The following PITPNB variants were observed in gnomAD, a reference collection of about 807,000 sequenced individuals.
PITPNB encodes the protein phosphatidylinositol transfer protein beta, also known as phosphatidylinositol transfer protein beta isoform.
In PITPNB, 16 loss-of-function variants were observed where a neutral mutation model predicts 45.9. That is an observed-to-expected ratio of 0.35 (90% CI 0.24 to 0.53). The LOEUF (loss-of-function observed/expected upper bound fraction) is 0.53, where lower values mean the gene tolerates loss of function less well. PITPNB is among the 20% of genes least tolerant of loss of function. The pLI, the probability that PITPNB is intolerant of heterozygous loss-of-function variation, is 0.93. For missense variants in PITPNB, 188 were observed against 330.5 expected (o/e 0.57, Z 3.34); for synonymous variants, 112 against 108.9 (o/e 1.03, Z -0.18).
chr22:27,880,660 T>G (rs1472319349), intron 7 of PITPNB, among the ~76,000 whole-genome samples: 2 of 152,178 alleles, frequency 1.3e-5, no homozygotes, highest in Non-Finnish European at 2.9e-5. Flanking sequence ...TTCGCTCTTG[T>G]TGCCCAGGCT....
intron 5 of PITPNB, 86 bp downstream of exon 5, chr22:27,897,044 T>A (rs1236420935): frequency 2.1e-6 from 2 of 945,850 alleles, no homozygotes; most frequent in East Asian, 2.4e-5. Flanking sequence ...GAGGTGCAGT[T>A]AGCAAAGAAT....
At chr22:27,898,632 G>C (rs968418328) in intron 3 of PITPNB, among the ~76,000 whole-genome samples, 4 of 152,086 alleles carry the variant, frequency 2.6e-5, no homozygotes, top group African/African-American at 2.4e-5. Flanking sequence ...ACATTTTATA[G>C]AACAGACCTG....
intron 8 of PITPNB, among the ~76,000 whole-genome samples, chr22:27,862,809 C>T (rs1296271656): frequency 6.6e-6 from 1 of 152,062 alleles, no homozygotes; most frequent in Non-Finnish European, 1.5e-5. Flanking sequence ...ATAATGCTGC[C>T]CTTGGTGTCA....
Position 27,854,918 on chromosome 22 carries a change from G to A in PITPNB, c.790C>T (p.Arg264Ter), listed in dbSNP as rs1354485787. 1.2e-6 allele frequency: 2 copies of A among 1,613,394 alleles called. No homozygotes were observed. The highest frequency in any genetic ancestry group is 1.1e-5 in the South Asian group (1 of 91,056). ...LETMRKRGSV[R>*]GTSAADV ...TAGACATCAGCAGCCGACGTGCCTC[G>A]AACGGAACCCCTCTTACGCATCTAA... Residue 264 changes from arginine to a stop codon, truncating the protein, a stop_gained, in exon 11 of 12, where the codon CGA becomes TGA. Transcript: ENST00000335272. LOFTEE classifies it high-confidence loss of function.
intron 3 of PITPNB, among the ~76,000 whole-genome samples, chr22:27,908,728 T>G (rs181233325): frequency 1.3e-4 from 20 of 152,240 alleles, no homozygotes; most frequent in Admixed American, 1.1e-3. Flanking sequence ...CTATACCATC[T>G]GGAATGCCAA....
Position 27,898,374 on chromosome 22 carries a change from C to T in PITPNB, c.198-482G>A, listed in dbSNP as rs796682172. Among the ~76,000 whole-genome samples, 31 of 148,626 alleles carry T rather than the reference C, an allele frequency of 2.1e-4. 1 individual carries two copies. The highest frequency in any genetic ancestry group is 7.1e-4 in the African/African-American group (29 of 40,568). On this transcript the variant is annotated intron_variant, in intron 3 of 11. Transcript: ENST00000335272. ...TGGGCAAAAGAGCAAGACCTTGTCT[C>T]ACAAGGAAAAAAAAAATTAACTGTA...
intron 8 of PITPNB, among the ~76,000 whole-genome samples, chr22:27,862,908 G>A (rs1314562849): frequency 6.6e-6 from 1 of 152,188 alleles, no homozygotes; most frequent in Non-Finnish European, 1.5e-5. Flanking sequence ...TGCTCTGCAG[G>A]CCCCTGGCAC....
intron 6 of PITPNB, among the ~76,000 whole-genome samples, chr22:27,894,899 G>A (rs1183164131): frequency 6.6e-6 from 1 of 152,176 alleles, no homozygotes; most frequent in Non-Finnish European, 1.5e-5. Flanking sequence ...TCTTCTGACA[G>A]TCCTCACAGA....
chr22:27,911,942 G>A (rs961515190), intron 2 of PITPNB, among the ~76,000 whole-genome samples: 11 of 152,122 alleles, frequency 7.2e-5, no homozygotes, highest in East Asian at 1.9e-4. Context: ...ATCTGGAGTC[G>A]CTAGTTCCAA....
chr22:27,912,266 C>CCACA (rs1470868470), intron 2 of PITPNB, among the ~76,000 whole-genome samples: 1 of 151,802 alleles, frequency 6.6e-6, no homozygotes, highest in Non-Finnish European at 1.5e-5. Flanking sequence ...AAAAACACAC[C>CCACA]CACACACACA....
At chr22:27,899,559 G>A (rs922383912) in intron 3 of PITPNB, among the ~76,000 whole-genome samples, 6 of 152,032 alleles carry the variant, frequency 3.9e-5, no homozygotes, top group Non-Finnish European at 5.9e-5. Context: ...TCCTGACCTC[G>A]TGATCCGCCC....
chr22:27,919,242 G>A lies in PITPNB; in HGVS notation c.-51C>T, dbSNP rs781672380. The A allele has an allele frequency of 6.6e-7, 1 of 1,510,790 alleles. No individual in the cohort carries two copies. The allele number at this position is 1,510,790 out of a possible 1,614,324, so 93.6% of individuals were successfully genotyped here. On this transcript the variant is annotated 5_prime_UTR_variant, in exon 1 of 12. Coordinates refer to ENST00000335272, the MANE Select transcript of PITPNB (RefSeq NM_012399.5). ...CGCCGATACCACCGCCGCCGCCGCC[G>A]CTACCGCCTCTCACAGCGCCTGCGC... is the stretch of plus-strand genomic sequence containing the variant.
intron 8 of PITPNB, among the ~76,000 whole-genome samples, chr22:27,870,618 G>A (rs761304267): frequency 1.3e-5 from 2 of 152,172 alleles, no homozygotes; most frequent in African/African-American, 4.8e-5. Context: ...TAATTATCAT[G>A]TTTGTTCCCT....
chr22:27,888,261 T>C (rs1050133125), intron 7 of PITPNB, among the ~76,000 whole-genome samples: 2 of 152,200 alleles, frequency 1.3e-5, no homozygotes, highest in African/African-American at 4.8e-5. Flanking sequence ...TTTTAATCAG[T>C]TCCCGATTGA....
At chr22:27,896,994 T>C in intron 5 of PITPNB, 136 bp downstream of exon 5, 1 of 734,676 alleles carries the variant, frequency 1.4e-6, no homozygotes, top group Non-Finnish European at 2.5e-6. Context: ...TGGTAGAGTG[T>C]GGCGGCTGGT....
At chr22:27,901,400 C>T (rs576847743) in intron 3 of PITPNB, among the ~76,000 whole-genome samples, 2 of 152,184 alleles carry the variant, frequency 1.3e-5, no homozygotes, top group South Asian at 2.1e-4. Flanking sequence ...CTTTTCCCAC[C>T]CTTCTCCTTC....
At chr22:27,870,357 G>C (rs1322337697) in intron 8 of PITPNB, among the ~76,000 whole-genome samples, 2 of 152,190 alleles carry the variant, frequency 1.3e-5, no homozygotes, top group African/African-American at 4.8e-5. Context: ...ATAATTCAGA[G>C]GGAAAATACC....
intron 7 of PITPNB, among the ~76,000 whole-genome samples, chr22:27,892,391 G>C (rs893303558): frequency 2.0e-5 from 3 of 152,196 alleles, no homozygotes; most frequent in African/African-American, 7.2e-5. Flanking sequence ...CTTGTACTCT[G>C]CTGGTGAACA....
chr22:27,868,244 A>G (rs1473753439), intron 8 of PITPNB, among the ~76,000 whole-genome samples: 1 of 152,138 alleles, frequency 6.6e-6, no homozygotes, highest in Non-Finnish European at 1.5e-5. Context: ...CAAGTAAAAA[A>G]CACTGCTCAT....
Sources: allele counts gnomAD v4.1 joint callset (sites outside exome capture counted in the v4.1 genomes callset), GRCh38; gene constraint gnomAD v4.1.1; transcripts MANE v1.5; gene names NCBI Gene and HGNC (gene_info 2026-07-23, HGNC 2026-07-21).